Variants in CADPS2 observed in about 807,000 individuals in gnomAD.
The protein encoded by CADPS2 is calcium-dependent secretion activator 2.
A neutral mutation model predicts 172.5 loss-of-function variants in CADPS2; 93 were observed. The ratio of observed to expected loss-of-function variants is 0.54; its 90% CI spans 0.46 to 0.64. The LOEUF is 0.64. Ranked by LOEUF, CADPS2 falls within the 30% of genes least tolerant of loss-of-function variation. The pLI, the probability that CADPS2 is intolerant of heterozygous loss-of-function variation, is 0.00. For synonymous variants in CADPS2, 546 were observed against 555.2 expected (o/e 0.98, Z 0.23); for missense variants, 1,420 against 1,565.9 (o/e 0.91, Z 1.57).
rs543424225 is a variant in CADPS2, at chr7:122,331,629, ACT to A, written c.3613-6050_3613-6049del. 2.0e-3 allele frequency among the ~76,000 whole-genome samples: 298 copies of A among 151,832 alleles called. 1 individual carries two copies. Among genetic ancestry groups the A allele is most frequent in the Non-Finnish European group, 3.5e-3 (241 of 67,938 alleles). On this transcript the variant is annotated intron_variant, in intron 28 of 29. Coordinates refer to ENST00000449022, the MANE Select transcript of CADPS2 (RefSeq NM_017954.11). ...ACTCCTGCCTGGTTGATACAAGGAG[ACT>A]CTGTCTCAAAAAACAAAACAAAACA...
rs929963649 is a variant in CADPS2 at position 122,384,009 on chromosome 7, G to A, written c.3312+3017C>T. Among the ~76,000 whole-genome samples, 5 of 152,200 alleles carry A rather than the reference G, an allele frequency of 3.3e-5. No homozygotes were observed. The East Asian group carries it at 5.8e-4, about 18-fold the overall frequency. ...GGGCTGATGAATGCCTACAGCCCAG[G>A]TAGTCATCTGCTTTTGTGCAGTTAC... On this transcript the variant is annotated intron_variant, in intron 24 of 29. Transcript: ENST00000449022.
chr7:122,422,783 C>T (rs1427677279), intron 17 of CADPS2, among the ~76,000 whole-genome samples: 19 of 145,776 alleles, frequency 1.3e-4, no homozygotes, highest in African/African-American at 3.7e-4. Context: ...GGTGAAACCC[C>T]GTCTCTATTA....
intron 6 of CADPS2, among the ~76,000 whole-genome samples, chr7:122,584,395 T>C (rs1397178503): frequency 1.3e-5 from 2 of 151,992 alleles, no homozygotes; most frequent in Admixed American, 1.3e-4. Context: ...TACAAAGTTG[T>C]AAATTTTTTC....
intron 2 of CADPS2, among the ~76,000 whole-genome samples, chr7:122,678,308 T>C (rs964784652): frequency 6.6e-6 from 1 of 152,248 alleles, no homozygotes; most frequent in African/African-American, 2.4e-5. Context: ...ACTGTAAATG[T>C]GTGGTTTTGT....
chr7:122,436,888 T>C (rs889409687), intron 17 of CADPS2, among the ~76,000 whole-genome samples: 1 of 152,138 alleles, frequency 6.6e-6, no homozygotes, highest in Admixed American at 6.6e-5. Context: ...ATCTTTTCTG[T>C]ATCCGTGGAC....
At chr7:122,848,746 T>C (rs1812711306) in intron 1 of CADPS2, among the ~76,000 whole-genome samples, 1 of 152,160 alleles carries the variant, frequency 6.6e-6, no homozygotes, top group African/African-American at 2.4e-5. Context: ...GTGTGTAAAA[T>C]GCCATGACGT....
At chr7:122,512,490 T>C (rs2060074214) in intron 9 of CADPS2, among the ~76,000 whole-genome samples, 1 of 152,110 alleles carries the variant, frequency 6.6e-6, no homozygotes, top group South Asian at 2.1e-4. Context: ...ATTAGTATGT[T>C]CTATGAGCAA....
chr7:122,495,094 T>C (rs941884291), intron 9 of CADPS2, among the ~76,000 whole-genome samples: 11 of 152,244 alleles, frequency 7.2e-5, no homozygotes, highest in Non-Finnish European at 5.9e-5. Context: ...CCCCTATTCT[T>C]TCATAAAGCT....
chr7:122,657,602 T>A, intron 3 of CADPS2, among the ~76,000 whole-genome samples: 1 of 152,186 alleles, frequency 6.6e-6, no homozygotes, highest in East Asian at 1.9e-4. Flanking sequence ...GTGATTTGGC[T>A]CTCTGTTTGT....
Position 122,808,708 on chromosome 7 carries a change from A to G in CADPS2, c.340-71640T>C, listed in dbSNP as rs551235856. Among the ~76,000 whole-genome samples the G allele has an allele frequency of 8.1e-4, 124 of 152,334 alleles. No individual in the cohort carries two copies. The Middle Eastern group carries it at 0.01, about 13-fold the overall frequency. ...TTCTGAAATCCCAGCAGTTGCCACA[A>G]TAATGTTCTGCTTCAATACAACCAA... On this transcript the variant is annotated intron_variant, in intron 1 of 29. Coordinates refer to ENST00000449022, the MANE Select transcript of CADPS2 (RefSeq NM_017954.11).
At chr7:122,702,577 C>A (rs530037531) in intron 2 of CADPS2, 8 of 1,613,508 alleles carry the variant, frequency 5.0e-6, no homozygotes, top group Middle Eastern at 1.6e-4. Flanking sequence ...ACACTCCACT[C>A]TCTCCTAATT....
intron 1 of CADPS2, among the ~76,000 whole-genome samples, chr7:122,789,469 A>G (rs905815594): frequency 6.6e-6 from 1 of 152,146 alleles, no homozygotes; most frequent in Non-Finnish European, 1.5e-5. Flanking sequence ...CTTGCAAGGG[A>G]TATCTGTTAA....
At chr7:122,758,055 G>C (rs1261635542) in intron 1 of CADPS2, among the ~76,000 whole-genome samples, 2 of 152,118 alleles carry the variant, frequency 1.3e-5, no homozygotes, top group African/African-American at 4.8e-5. Flanking sequence ...GACATTCACA[G>C]CAAACAGAAT....
At chr7:122,621,787 G>A (rs2075631746) in intron 4 of CADPS2, 70 bp from the exon 5 acceptor site, 1 of 842,686 alleles carries the variant, frequency 1.2e-6, no homozygotes, top group Non-Finnish European at 1.8e-6. Flanking sequence ...AAAATTGTAT[G>A]ATATATATAC....
At chr7:122,883,542 T>A (rs562050561) in intron 1 of CADPS2, among the ~76,000 whole-genome samples, 85 of 152,342 alleles carry the variant, frequency 5.6e-4, no homozygotes, top group African/African-American at 2.0e-3. Context: ...TCTAACTGTA[T>A]AATGCAAGAC....
chr7:122,451,073 G>A (rs1167885260), intron 15 of CADPS2, among the ~76,000 whole-genome samples: 1 of 152,160 alleles, frequency 6.6e-6, no homozygotes, highest in East Asian at 1.9e-4. Flanking sequence ...AGAGCAGGAG[G>A]AACAGTCACC....
In CADPS2 at chr7:122,770,432, C is replaced by A. The variant is rs967122687; in HGVS notation, c.340-33364G>T. On this transcript the variant is annotated intron_variant, in intron 1 of 29. Transcript: ENST00000449022. The stretch of plus-strand genomic sequence containing the variant: ...AGAATACAGTGAGAAGGATCACCTT[C>A]CACCTTAGCCAGTGACAAAGTAACC... 5.3e-5 allele frequency among the ~76,000 whole-genome samples: 8 copies of A among 152,220 alleles called. No homozygotes were observed. The East Asian group carries it at 1.5e-3, about 29-fold the overall frequency.
At chr7:122,844,217 G>A (rs901148501) in intron 1 of CADPS2, among the ~76,000 whole-genome samples, 2 of 152,220 alleles carry the variant, frequency 1.3e-5, no homozygotes, top group Admixed American at 1.3e-4. Flanking sequence ...CAAAGAACTA[G>A]GGGAACAGGA....
chr7:122,455,650 CA>C (rs1050999427), intron 14 of CADPS2, among the ~76,000 whole-genome samples: 2 of 151,956 alleles, frequency 1.3e-5, no homozygotes, highest in African/African-American at 4.8e-5. Flanking sequence ...AGTAATATGA[CA>C]AATTATTATT....
Sources: gnomAD v4.1 joint callset for allele counts (sites outside exome capture counted in the v4.1 genomes callset) on GRCh38, gnomAD v4.1.1 for gene constraint, MANE v1.5 for transcripts, NCBI Gene and HGNC (gene_info 2026-07-23, HGNC 2026-07-21) for gene names.